Variants in FRMD3 observed in about 807,000 individuals in gnomAD.
The protein encoded by FRMD3 is FERM domain-containing protein 3.
FRMD3 carries 33 observed loss-of-function variants against 70.2 expected under a neutral mutation model. The observed-to-expected ratio is 0.47, with a 90% CI of 0.36 to 0.63. The LOEUF (loss-of-function observed/expected upper bound fraction) is 0.63, where lower values mean the gene tolerates loss of function less well. FRMD3 is among the 20% of genes least tolerant of loss of function. The pLI, the probability that FRMD3 is intolerant of heterozygous loss-of-function variation, is 0.00. For synonymous variants in FRMD3, 279 were observed against 255.9 expected (o/e 1.09, Z -0.86); for missense variants, 632 against 711.4 (o/e 0.89, Z 1.27).
At chr9:83,418,432 A>T (rs1826521301) in intron 1 of FRMD3, among the ~76,000 whole-genome samples, 1 of 152,202 alleles carries the variant, frequency 6.6e-6, no homozygotes, top group South Asian at 2.1e-4. Context: ...TCACCAAGAA[A>T]AAAACAAATA....
At chr9:83,563,424 C>T in the FRMD3 span, among the ~76,000 whole-genome samples, 1 of 152,158 alleles carries the variant, frequency 6.6e-6, no homozygotes, top group South Asian at 2.1e-4. Flanking sequence ...CAACAAAAAG[C>T]TGGGTTAGCC....
intron 1 of FRMD3, among the ~76,000 whole-genome samples, chr9:83,493,441 T>C (rs1374654628): frequency 6.6e-6 from 1 of 152,228 alleles, no homozygotes; most frequent in Non-Finnish European, 1.5e-5. Flanking sequence ...TGCCATCCTT[T>C]ACTCTCCAGC....
Position 83,538,203 on chromosome 9 carries a change from C to T in FRMD3, c.29G>A (p.Arg10Lys), listed in dbSNP as rs1239585808. 6.3e-7 allele frequency: 1 copy of T among 1,593,852 alleles called. No individual in the cohort carries two copies. The highest frequency in any genetic ancestry group is 1.7e-5 in the Admixed American group (1 of 57,248). The change falls in exon 1 of 14, where the codon AGA (arginine) becomes AAA (lysine). Residue 10 changes from arginine to lysine, a missense_variant. Transcript: ENST00000304195. The surrounding 1 kb of genome is among the most constrained non-coding windows in gnomAD (Gnocchi z 4.7). ...GATCATTTTCATGGTCCTCCTGCCTCTCGGCACACAGTGGCAGGAGGCGAA... is the reference window on the plus strand; with the variant it reads ...GATCATTTTCATGGTCCTCCTGCCTTTCGGCACACAGTGGCAGGAGGCGAA... MFASCHCVP[R>K]GRRTMKMIHF... is the part of the protein sequence containing the mutation.
At chr9:83,267,054 G>C (rs766494344) in intron 13 of FRMD3, 1 of 1,550,896 alleles carries the variant, frequency 6.4e-7, no homozygotes, top group South Asian at 1.2e-5. Context: ...CTCAGCAGAC[G>C]AACAAACACA....
At chr9:83,423,547 A>G (rs1470330323) in intron 1 of FRMD3, among the ~76,000 whole-genome samples, 4 of 135,310 alleles carry the variant, frequency 3.0e-5, no homozygotes, top group African/African-American at 1.1e-4. Flanking sequence ...TTAAATTTTA[A>G]TTTAAACTTT....
At chr9:83,357,238 A>ATAAT (rs1213344229) in intron 3 of FRMD3, among the ~76,000 whole-genome samples, 3 of 4,000 alleles carry the variant, frequency 7.5e-4, no homozygotes, top group East Asian at 0.01. Context: ...ATATATATAT[A>ATAAT]ATACATACAT....
the FRMD3 span, among the ~76,000 whole-genome samples, chr9:83,565,506 C>T: frequency 6.6e-6 from 1 of 152,174 alleles, no homozygotes; most frequent in Admixed American, 6.5e-5. Flanking sequence ...CTTAGAGCCT[C>T]ATTGTTAGCC....
At position 83,247,693 on chromosome 9, in the gene FRMD3, G is replaced by A; in HGVS notation, c.*225C>T. The A allele has an allele frequency of 7.6e-7, 1 of 1,311,136 alleles. No individual in the cohort carries two copies. Among genetic ancestry groups the A allele is most frequent in the Non-Finnish European group, 9.9e-7 (1 of 1,012,418 alleles). 81.2% of individuals were successfully genotyped at this position (1,311,136 alleles called of 1,614,324 possible). On this transcript the variant is annotated 3_prime_UTR_variant, in exon 14 of 14. Transcript: ENST00000304195. ...TATAATAAAAAATAAACATATTTTT[G>A]GTTATTTAAAGACCATCTTCCTAAC...
At chr9:83,407,271 C>T (rs965665324) in intron 1 of FRMD3, among the ~76,000 whole-genome samples, 2 of 152,298 alleles carry the variant, frequency 1.3e-5, no homozygotes, top group East Asian at 3.9e-4. Context: ...ACAGTAAATA[C>T]TTGGTACAAA....
chr9:83,541,688 G>A (rs1830001261), upstream of FRMD3, among the ~76,000 whole-genome samples: 1 of 152,186 alleles, frequency 6.6e-6, no homozygotes, highest in Admixed American at 6.5e-5. Context: ...ACAAATAGTG[G>A]TGCATGACTT....
At chr9:83,451,494 T>C (rs1827656320) in intron 1 of FRMD3, among the ~76,000 whole-genome samples, 1 of 152,126 alleles carries the variant, frequency 6.6e-6, no homozygotes, top group African/African-American at 2.4e-5. Context: ...CAGGCGATTG[T>C]CTGCAAAACA....
intron 1 of FRMD3, among the ~76,000 whole-genome samples, chr9:83,395,918 G>T (rs1478366300): frequency 6.6e-6 from 1 of 152,174 alleles, no homozygotes; most frequent in Non-Finnish European, 1.5e-5. Flanking sequence ...TTTAGAGTTT[G>T]GATAGCTACC....
chr9:83,282,600 C>T (rs947369468), intron 13 of FRMD3, among the ~76,000 whole-genome samples: 1 of 151,020 alleles, frequency 6.6e-6, no homozygotes, highest in South Asian at 2.1e-4. Flanking sequence ...AGCTAGAAAG[C>T]ATTTGAGTGG....
chr9:83,480,454 T>C (rs1445699048), intron 1 of FRMD3, among the ~76,000 whole-genome samples: 1 of 151,980 alleles, frequency 6.6e-6, no homozygotes, highest in Non-Finnish European at 1.5e-5. Flanking sequence ...CAGCTATTTA[T>C]ATAGCATTTC....
At chr9:83,258,946 A>G (rs1832854902) in intron 13 of FRMD3, among the ~76,000 whole-genome samples, 1 of 151,972 alleles carries the variant, frequency 6.6e-6, no homozygotes. Context: ...GCATCCAACT[A>G]TGGAATGCCC....
At chr9:83,299,054 A>G in intron 11 of FRMD3, 58 bp downstream of exon 11, 1 of 1,313,316 alleles carries the variant, frequency 7.6e-7, no homozygotes, top group South Asian at 1.2e-5. Flanking sequence ...CAGAATTTTG[A>G]AATTTAAGTG....
At chr9:83,253,139 G>C (rs186120106) in intron 13 of FRMD3, among the ~76,000 whole-genome samples, 1 of 152,096 alleles carries the variant, frequency 6.6e-6, no homozygotes, top group Non-Finnish European at 1.5e-5. Context: ...CACTCTCCAA[G>C]AAATGCAAAA....
chr9:83,247,830 GC>G lies in FRMD3; in HGVS notation c.*87del. On this transcript the variant is annotated 3_prime_UTR_variant, in exon 14 of 14. Coordinates refer to ENST00000304195, the MANE Select transcript of FRMD3 (RefSeq NM_174938.6). ...TATGAGTAAGGAACACCTGTTGACA[GC>G]CCCGTGACCCTTCAGAACCAGGCAT... 3 of 1,531,258 alleles carry G rather than the reference GC, an allele frequency of 2.0e-6. No homozygotes were observed. The highest frequency in any genetic ancestry group is 2.1e-5 in the Admixed American group (1 of 48,728). The allele number at this position is 1,531,258 out of a possible 1,614,324, so 94.9% of individuals were successfully genotyped here. A position where few individuals can be genotyped will look rare whatever the true frequency, so the allele number is the denominator to read the frequency against.
At chr9:83,310,597 C>G in intron 8 of FRMD3, 49 bp from the exon 9 acceptor site, 1 of 1,454,006 alleles carries the variant, frequency 6.9e-7, no homozygotes, top group Non-Finnish European at 9.4e-7. Context: ...GGCAGCTAAC[C>G]AAGGTACCTG....
Sources: gnomAD v4.1 joint callset for allele counts (sites outside exome capture counted in the v4.1 genomes callset) on GRCh38, gnomAD v4.1.1 for gene constraint, Gnocchi (gnomAD v3.1) non-coding constraint, MANE v1.5 for transcripts, NCBI Gene and HGNC (gene_info 2026-07-23, HGNC 2026-07-21) for gene names.